The following UNC5A variants were observed in gnomAD, a reference collection of about 807,000 sequenced individuals.
UNC5A encodes unc-5 netrin receptor A, also known as netrin receptor UNC5A.
A neutral mutation model predicts 87.4 loss-of-function variants in UNC5A; 20 were observed. The ratio of observed to expected loss-of-function variants is 0.23; its 90% CI spans 0.16 to 0.33. The LOEUF is 0.33. UNC5A is among the 10% of genes least tolerant of loss of function. The pLI, the probability that UNC5A is intolerant of heterozygous loss-of-function variation, is 1.00. For synonymous variants in UNC5A, 438 were observed against 482.3 expected, an observed-to-expected ratio of 0.91 and a Z score of 1.20; for missense variants, 844 against 1,133.4, an observed-to-expected ratio of 0.74 and a Z score of 3.67.
At chr5:176,862,098 G>A (rs1315304112) in intron 1 of UNC5A, among the ~76,000 whole-genome samples, 4 of 152,236 alleles carry the variant, frequency 2.6e-5, no homozygotes, top group East Asian at 1.9e-4. Context: ...ACAGACTCCC[G>A]GCTCTCGCCT....
At position 176,879,505 on chromosome 5, in the gene UNC5A, C is replaced by A; in HGVS notation, c.2363+17C>A. Reference sequence around the variant, plus strand: ...CCTGGACAGGTGGGCGGGAGAGGGGCAGAGAGGGCCTGCGCAGGCCACCGA... The same window carrying A: ...CCTGGACAGGTGGGCGGGAGAGGGGAAGAGAGGGCCTGCGCAGGCCACCGA... On this transcript the variant is annotated intron_variant, in intron 14 of 14. Transcript: ENST00000329542. 1 of 1,595,122 alleles carries A rather than the reference C, an allele frequency of 6.3e-7. No homozygotes were observed. Among genetic ancestry groups the A allele is most frequent in the Non-Finnish European group, 8.5e-7 (1 of 1,171,502 alleles).
chr5:176,823,058 A>G (rs1756767145), intron 1 of UNC5A, among the ~76,000 whole-genome samples: 1 of 151,820 alleles, frequency 6.6e-6, no homozygotes, highest in Non-Finnish European at 1.5e-5. Flanking sequence ...GTGGTCATCC[A>G]GGCAAGAAAT....
At chr5:176,831,165 A>G (rs1757013188) in intron 1 of UNC5A, among the ~76,000 whole-genome samples, 1 of 152,100 alleles carries the variant, frequency 6.6e-6, no homozygotes, top group African/African-American at 2.4e-5. Context: ...ATCGTTCTGC[A>G]GAAGCAACAT....
Position 176,870,509 on chromosome 5 carries a change from C to T in UNC5A, c.861C>T (p.Asn287=), listed in dbSNP as rs1273276251. ...ECQGTDLDTR[N]CTSDLCVHTA... ...AGGGCACTGACCTGGACACCCGCAA[C>T]TGTACCAGTGACCTCTGTGTACACA... The change falls in exon 6 of 15, where the codon AAC becomes AAT. Residue 287 remains asparagine (N), a synonymous_variant. Transcript: ENST00000329542. 4 of 1,605,344 alleles carry T rather than the reference C, an allele frequency of 2.5e-6. No homozygotes were observed. The highest frequency in any genetic ancestry group is 3.4e-6 in the Non-Finnish European group (4 of 1,174,392).
chr5:176,872,363 A>C (rs60620321), intron 6 of UNC5A, among the ~76,000 whole-genome samples: 15 of 9,818 alleles, frequency 1.5e-3, no homozygotes, highest in Admixed American at 2.7e-3. Flanking sequence ...CCACAGCTTC[A>C]CATCTGCCCA....
intron 1 of UNC5A, among the ~76,000 whole-genome samples, chr5:176,858,700 C>T (rs112405706): frequency 0.048 from 4,533 of 94,324 alleles, 338 homozygotes; most frequent in African/African-American, 0.16. Context: ...ACATGGAAAG[C>T]GAAAGAAAGA....
At chr5:176,854,059 T>C (rs1757608755) in intron 1 of UNC5A, among the ~76,000 whole-genome samples, 2 of 152,172 alleles carry the variant, frequency 1.3e-5, no homozygotes, top group Non-Finnish European at 2.9e-5. Flanking sequence ...AGGTTTTTTA[T>C]GTTTTGGCTT....
intron 1 of UNC5A, among the ~76,000 whole-genome samples, chr5:176,860,390 T>A (rs1237535892): frequency 2.0e-5 from 3 of 151,970 alleles, no homozygotes; most frequent in African/African-American, 7.3e-5. Context: ...GGGTTCACAC[T>A]CCCCAGCCTC....
At chr5:176,812,296 G>T (rs1032053120) in intron 1 of UNC5A, among the ~76,000 whole-genome samples, 1 of 152,208 alleles carries the variant, frequency 6.6e-6, no homozygotes, top group Non-Finnish European at 1.5e-5. Flanking sequence ...CACAGGTGGG[G>T]TGTTGCCTGA....
At chr5:176,846,622 G>A (rs534704051) in intron 1 of UNC5A, among the ~76,000 whole-genome samples, 3 of 152,114 alleles carry the variant, frequency 2.0e-5, no homozygotes, top group Non-Finnish European at 2.9e-5. Context: ...GACTTTGGGC[G>A]GTAACCTTGG....
chr5:176,864,372 G>A (rs1460679216), intron 2 of UNC5A, among the ~76,000 whole-genome samples: 35 of 152,220 alleles, frequency 2.3e-4, no homozygotes, highest in Admixed American at 2.2e-3. Flanking sequence ...AGCGGGCTGC[G>A]GTCGCACTTG....
rs770784012 is a variant in UNC5A at position 176,878,040 on chromosome 5, G to C, written c.1782G>C (p.Lys594Asn). 2 of 1,609,208 alleles carry C rather than the reference G, an allele frequency of 1.2e-6. No homozygotes were observed. Among genetic ancestry groups the C allele is most frequent in the South Asian group, 2.2e-5 (2 of 91,084 alleles). The change falls in exon 11 of 15, where the codon AAG (lysine) becomes AAC (asparagine). Residue 594 changes from lysine to asparagine, a missense_variant. Coordinates refer to ENST00000329542, the MANE Select transcript of UNC5A (RefSeq NM_133369.3). Reference protein sequence around the residue: ...ALSVAAAKRLKLLLFAPVACT... With the variant: ...ALSVAAAKRLNLLLFAPVACT... ...GCGTGGCTGCCGCCAAGCGCCTCAA[G>C]CTGCTTCTGTTTGCGCCGGTGGCCT... is the stretch of plus-strand genomic sequence containing the variant.
chr5:176,840,893 C>G (rs371340610), intron 1 of UNC5A, among the ~76,000 whole-genome samples: 109 of 152,366 alleles, frequency 7.2e-4, no homozygotes, highest in Admixed American at 6.5e-5. Flanking sequence ...CCCCCCACAA[C>G]GCTTGAGCAG....
chr5:176,875,473 C>G lies in UNC5A; in HGVS notation c.1378+907C>G, dbSNP rs997833358. Among the ~76,000 whole-genome samples, 3 of 152,120 alleles carry G rather than the reference C, an allele frequency of 2.0e-5. No homozygotes were observed. Among genetic ancestry groups the G allele is most frequent in the Admixed American group, 6.5e-5 (1 of 15,270 alleles). ...CTGCTGCTCGTCCTCTCTTGCCCCC[C>G]GCCAGCTTCAGTCCCACGCCAGTCC... is the stretch of plus-strand genomic sequence containing the variant. On this transcript the variant is annotated intron_variant, in intron 8 of 14. Coordinates refer to ENST00000329542, the MANE Select transcript of UNC5A (RefSeq NM_133369.3). This position sits in a 1 kb window ranked among gnomAD's most constrained non-coding sequence, Gnocchi z 5.2.
At chr5:176,853,681 C>G (rs947948305) in intron 1 of UNC5A, among the ~76,000 whole-genome samples, 3 of 152,228 alleles carry the variant, frequency 2.0e-5, no homozygotes, top group African/African-American at 7.2e-5. Flanking sequence ...TCACCCCCAT[C>G]CAGTCACCTC....
Position 176,878,289 on chromosome 5 carries a change from G to A in UNC5A, c.1915G>A (p.Glu639Lys). 1 of 1,613,110 alleles carries A rather than the reference G, an allele frequency of 6.2e-7. No homozygotes were observed. The highest frequency in any genetic ancestry group is 1.1e-5 in the South Asian group (1 of 91,090). ...GCAGCTGGGGGGACAGCTGATCCAG[G>A]AGCCACGGGTCCTGCACTTCAAGGA... is the stretch of plus-strand genomic sequence containing the variant. The part of the protein sequence containing the change: ...EKQLGGQLIQ[E>K]PRVLHFKDSY... The change falls in exon 12 of 15, where the codon GAG (glutamate) becomes AAG (lysine). Residue 639 changes from glutamate to lysine, a missense_variant. Transcript: ENST00000329542.
At chr5:176,817,103 G>A (rs1045651522) in intron 1 of UNC5A, among the ~76,000 whole-genome samples, 8 of 152,216 alleles carry the variant, frequency 5.3e-5, no homozygotes, top group Non-Finnish European at 1.0e-4. Context: ...TTTGATGGGG[G>A]AGGGGCCATG....
chr5:176,873,877 A>G, intron 6 of UNC5A, 91 bp from the exon 7 acceptor site: 4 of 1,415,042 alleles, frequency 2.8e-6, no homozygotes, highest in South Asian at 2.6e-5. Context: ...CCCGGGGTGC[A>G]GACCTCATCC....
rs1026273861 is a variant in UNC5A, at chr5:176,880,838, C to T, written c.*952C>T. 35 of 440,706 alleles carry T rather than the reference C, an allele frequency of 7.9e-5. 1 individual carries two copies. The highest frequency in any genetic ancestry group is 1.2e-3 in the Middle Eastern group (2 of 1,728). The allele number at this position is 440,706 out of a possible 1,614,324, so 27.3% of individuals were successfully genotyped here. A position where few individuals can be genotyped will look rare whatever the true frequency, so the allele number is the denominator to read the frequency against. On this transcript the variant is annotated 3_prime_UTR_variant, in exon 15 of 15. Coordinates refer to ENST00000329542, the MANE Select transcript of UNC5A (RefSeq NM_133369.3). ...TATGTACACAGCCTTGCCCGGCCGC[C>T]GGGGCACATAGGGGTTTTATCGGGC...
Sources: gnomAD v4.1 joint callset for allele counts (sites outside exome capture counted in the v4.1 genomes callset) on GRCh38, gnomAD v4.1.1 for gene constraint, Gnocchi (gnomAD v3.1) non-coding constraint, MANE v1.5 for transcripts, NCBI Gene and HGNC (gene_info 2026-07-23, HGNC 2026-07-21) for gene names.